VWDE: variants seen among roughly 807,000 people sequenced by gnomAD.
VWDE encodes the protein von Willebrand factor D and EGF domains, also known as von Willebrand factor D and EGF domain-containing protein.
A neutral mutation model predicts 178.4 loss-of-function variants in VWDE; 207 were observed. The ratio of observed to expected loss-of-function variants is 1.16; its 90% CI spans 1.04 to 1.30. The LOEUF (loss-of-function observed/expected upper bound fraction) is 1.30. Among genes scored for constraint, VWDE ranks in the 50% most tolerant of loss-of-function variants. The probability of loss-of-function intolerance (pLI) is 0.00; values close to 1 mark genes in which losing one functional copy is unlikely to be tolerated. For missense variants in VWDE, 2,287 were observed against 1,901.3 expected, an observed-to-expected ratio of 1.20 and a Z score of -3.77; for synonymous variants, 738 against 651.4, an observed-to-expected ratio of 1.13 and a Z score of -2.02.
chr7:12,340,257 C>T (rs2128546020), intron 24 of VWDE, 65 bp downstream of exon 24: 1 of 1,267,848 alleles, frequency 7.9e-7, no homozygotes, highest in South Asian at 1.4e-5. Context: ...CTCATGTTTA[C>T]TCAGAGCTCT....
chr7:12,365,453 C>G (rs913776762), intron 13 of VWDE, among the ~76,000 whole-genome samples: 3 of 152,050 alleles, frequency 2.0e-5, no homozygotes, highest in African/African-American at 7.2e-5. Context: ...AATGGGAAGT[C>G]ATTAAGGATT....
intron 1 of VWDE, among the ~76,000 whole-genome samples, chr7:12,396,757 A>AC (rs1784644298): frequency 2.8e-5 from 3 of 107,738 alleles, no homozygotes; most frequent in Admixed American, 1.6e-4. Flanking sequence ...CTCTACTTAA[A>AC]AAAAAAAAAA....
intron 15 of VWDE, 82 bp from the exon 16 acceptor site, chr7:12,359,774 G>T: frequency 1.3e-6 from 1 of 786,974 alleles, no homozygotes; most frequent in Non-Finnish European, 2.0e-6. Context: ...GGCAGTGTAT[G>T]TATTGATGAT....
intron 28 of VWDE, among the ~76,000 whole-genome samples, chr7:12,332,198 A>AAAAAT (rs10664408): frequency 6.7e-4 from 101 of 151,172 alleles, no homozygotes; most frequent in African/African-American, 1.4e-3. Flanking sequence ...AAGAAAAAAA[A>AAAAAT]GACACCAGTG....
chr7:12,367,433 T>G lies in VWDE; in HGVS notation c.2822A>C (p.Asn941Thr). The change falls in exon 13 of 29, where the codon AAT becomes ACT. Residue 941 changes from asparagine (N) to threonine (T), a missense_variant. By Grantham distance (65) the Asn-to-Thr change is moderately conservative (BLOSUM62 0). Transcript: ENST00000275358. ...NAGFCDVQKY[N>T]CMMVRVFGKG... ...GCCAAAAACTCTCACCATCATACAA[T>G]TATATTTTTGAACATCACAGAATCC... 6.5e-7 allele frequency: 1 copy of G among 1,546,624 alleles called. No homozygotes were observed. The highest frequency in any genetic ancestry group is 8.7e-7 in the Non-Finnish European group (1 of 1,144,378).
rs7793993 is a variant in VWDE at position 12,377,781 on chromosome 7, C to T, written c.1019G>A (p.Gly340Asp). ...CKISLKLKTI[G>D]QGREHLGLNL... ...AAATAAAGTTAGTATATTACCTTGA[C>T]CAATAGTTTTCAGTTTTAATGAGAT... Residue 340 changes from glycine (G) to aspartate (D), a missense_variant, in exon 7 of 29, where the codon GGT (glycine) becomes GAT (aspartate). Gly to Asp is a moderately conservative substitution (Grantham distance 94). Coordinates refer to ENST00000275358, the MANE Select transcript of VWDE (RefSeq NM_001135924.3). 0.74 allele frequency: 1,081,044 copies of T among 1,468,152 alleles called. 401,855 individuals are homozygous for T. Among genetic ancestry groups the T allele is most frequent in the East Asian group, 0.93 (37,135 of 39,882 alleles). The allele number at this position is 1,468,152 out of a possible 1,614,324, so 90.9% of individuals were successfully genotyped here. A position where few individuals can be genotyped will look rare whatever the true frequency, so the allele number is the denominator to read the frequency against.
rs570079268 is a variant in VWDE, at chr7:12,363,609, T to C, written c.2899-2088A>G. 2.6e-5 allele frequency among the ~76,000 whole-genome samples: 4 copies of C among 152,162 alleles called. No homozygotes were observed. In the East Asian group the frequency reaches 5.8e-4, roughly 22 times the overall value. ...TATTAAAAAAAGAGTTTCTATCCAT[T>C]TTTTGTACCAAAGAAATATAGTAAG... is the stretch of plus-strand genomic sequence containing the variant. On this transcript the variant is annotated intron_variant, in intron 13 of 28. Transcript: ENST00000275358.
intron 3 of VWDE, among the ~76,000 whole-genome samples, chr7:12,388,265 T>G (rs1240520738): frequency 1.3e-5 from 2 of 152,174 alleles, no homozygotes; most frequent in Non-Finnish European, 2.9e-5. Flanking sequence ...AAAAGAGAAG[T>G]GCTCTTATTA....
At chr7:12,349,047 A>G (rs1304720000) in intron 19 of VWDE, among the ~76,000 whole-genome samples, 1 of 152,118 alleles carries the variant, frequency 6.6e-6, no homozygotes, top group Non-Finnish European at 1.5e-5. Flanking sequence ...GGACACAAGA[A>G]GGGGAACATT....
chr7:12,388,971 A>G (rs1413894819), intron 3 of VWDE, 156 bp downstream of exon 3: 5 of 737,608 alleles, frequency 6.8e-6, no homozygotes, highest in East Asian at 5.4e-5. Context: ...AAGAAATTTG[A>G]CCAATGTAAA....
chr7:12,366,862 A>G (rs1441806995), intron 13 of VWDE, among the ~76,000 whole-genome samples: 2 of 152,090 alleles, frequency 1.3e-5, no homozygotes, highest in Admixed American at 6.6e-5. Flanking sequence ...CTAACGTTCA[A>G]ACTGATCATG....
chr7:12,361,345 AG>A lies in VWDE; in HGVS notation c.3054+20del. 6.5e-7 allele frequency: 1 copy of A among 1,545,266 alleles called. No individual in the cohort carries two copies. ...GTATTTACTTTGTTTATAAATATGA[AG>A]ATGTCTTTTTATTTTTTACCTTCAA... is the stretch of plus-strand genomic sequence containing the variant. On this transcript the variant is annotated intron_variant, in intron 14 of 28. Transcript: ENST00000275358.
chr7:12,395,572 T>A (rs892861209), intron 1 of VWDE, among the ~76,000 whole-genome samples: 2 of 152,110 alleles, frequency 1.3e-5, no homozygotes, highest in Admixed American at 1.3e-4. Context: ...TCAACGACAT[T>A]ACAGAATTGT....
At chr7:12,358,386 G>A (rs1433053704) in intron 16 of VWDE, among the ~76,000 whole-genome samples, 2 of 141,892 alleles carry the variant, frequency 1.4e-5, no homozygotes, top group African/African-American at 2.6e-5. Context: ...AAAATAAAAG[G>A]TGGGGGGGGC....
chr7:12,362,693 G>T (rs551849897), intron 13 of VWDE, among the ~76,000 whole-genome samples: 27 of 152,234 alleles, frequency 1.8e-4, no homozygotes, highest in African/African-American at 6.5e-4. Context: ...GCAGGAAAGG[G>T]AAAGGAAAAC....
At position 12,335,299 on chromosome 7, in the gene VWDE, T is replaced by A. The variant is rs549182538; in HGVS notation, c.4654+842A>T. 5.9e-5 allele frequency among the ~76,000 whole-genome samples: 9 copies of A among 152,278 alleles called. No individual in the cohort carries two copies. The East Asian group carries it at 1.5e-3, about 26-fold the overall frequency. On this transcript the variant is annotated intron_variant, in intron 27 of 28. Transcript: ENST00000275358. The stretch of plus-strand genomic sequence containing the variant: ...TCTTTTTTCAAGTTTCCACAAAAAA[T>A]TTCAAAATTGCATGAAATTTGATCT...
At chr7:12,347,112 A>C (rs1583284457) in intron 19 of VWDE, among the ~76,000 whole-genome samples, 1 of 152,078 alleles carries the variant, frequency 6.6e-6, no homozygotes. Flanking sequence ...AATACAGCAA[A>C]AGTGCCCTGG....
intron 18 of VWDE, among the ~76,000 whole-genome samples, chr7:12,354,931 TAATC>T (rs201798360): frequency 0.022 from 3,347 of 152,296 alleles, 76 homozygotes; most frequent in Admixed American, 0.054. Flanking sequence ...AGTCCGTCCT[TAATC>T]AAAGTTTTTG....
At chr7:12,398,089 C>A (rs1233407396) in intron 1 of VWDE, among the ~76,000 whole-genome samples, 1 of 152,026 alleles carries the variant, frequency 6.6e-6, no homozygotes, top group African/African-American at 2.4e-5. Flanking sequence ...AATTATTCTA[C>A]CAAAAACACA....
Sources: gnomAD v4.1 joint callset for allele counts (sites outside exome capture counted in the v4.1 genomes callset) on GRCh38, gnomAD v4.1.1 for gene constraint, MANE v1.5 for transcripts, NCBI Gene and HGNC (gene_info 2026-07-23, HGNC 2026-07-21) for gene names.